The following TNKS variants were observed in gnomAD, a reference collection of about 807,000 sequenced individuals.
TNKS encodes the protein tankyrase.
TNKS carries 72 observed loss-of-function variants against 135.8 expected under a neutral mutation model. The observed-to-expected ratio is 0.53, with a 90% confidence interval of 0.44 to 0.64. The LOEUF (loss-of-function observed/expected upper bound fraction) is 0.64, where lower values mean the gene tolerates loss of function less well. TNKS is among the 30% of genes least tolerant of loss of function. The pLI is 0.00. For synonymous variants in TNKS, 849 were observed against 649.3 expected, an observed-to-expected ratio of 1.31 and a Z score of -4.68; for missense variants, 1,769 against 1,674.0, an observed-to-expected ratio of 1.06 and a Z score of -0.99.
chr8:9,684,943 T>G (rs899340434), intron 5 of TNKS, among the ~76,000 whole-genome samples: 3 of 152,148 alleles, frequency 2.0e-5, no homozygotes, highest in African/African-American at 4.8e-5. Flanking sequence ...TGATTTAAGG[T>G]GACAGTGTTT....
intron 2 of TNKS, among the ~76,000 whole-genome samples, chr8:9,610,958 A>G (rs1799439306): frequency 6.6e-6 from 1 of 152,238 alleles, no homozygotes; most frequent in Non-Finnish European, 1.5e-5. Context: ...TAACTTGAAT[A>G]GTTTTAAAGG....
intron 3 of TNKS, among the ~76,000 whole-genome samples, chr8:9,631,425 G>A (rs1192385909): frequency 6.6e-6 from 1 of 152,136 alleles, no homozygotes; most frequent in African/African-American, 2.4e-5. Context: ...AAAATGTACT[G>A]ATGAAAAAGA....
At chr8:9,568,064 A>G (rs1272284565) in intron 1 of TNKS, among the ~76,000 whole-genome samples, 1 of 152,228 alleles carries the variant, frequency 6.6e-6, no homozygotes, top group Non-Finnish European at 1.5e-5. Context: ...CTCTGCAGTT[A>G]TGTTGAGGAT....
At chr8:9,598,588 C>T (rs553431167) in intron 2 of TNKS, among the ~76,000 whole-genome samples, 1 of 150,348 alleles carries the variant, frequency 6.7e-6, no homozygotes, top group Non-Finnish European at 1.5e-5. Context: ...CCTAGCTACT[C>T]GGGAGGCTGA....
chr8:9,720,337 A>G (rs752220928), intron 11 of TNKS, 37 bp from the exon 12 acceptor site: 1 of 1,514,614 alleles, frequency 6.6e-7, no homozygotes, highest in Non-Finnish European at 8.8e-7. Context: ...ACTAAACAAG[A>G]TGCTCAATTC....
At chr8:9,662,009 C>G (rs1801739106) in intron 3 of TNKS, among the ~76,000 whole-genome samples, 1 of 152,206 alleles carries the variant, frequency 6.6e-6, no homozygotes. Context: ...CACTGGCCAT[C>G]AGAGAAATGC....
At chr8:9,576,291 A>T (rs1318132893) in intron 1 of TNKS, among the ~76,000 whole-genome samples, 2 of 152,026 alleles carry the variant, frequency 1.3e-5, no homozygotes, top group African/African-American at 4.8e-5. Context: ...ACTACCTAAG[A>T]CGGTAATTTA....
intron 1 of TNKS, among the ~76,000 whole-genome samples, chr8:9,564,905 T>C (rs1187788828): frequency 6.6e-6 from 1 of 152,208 alleles, no homozygotes; most frequent in Admixed American, 6.5e-5. Flanking sequence ...ACTTTCAGTT[T>C]CTTGGTGAAT....
At chr8:9,638,075 C>T (rs1243122498) in intron 3 of TNKS, among the ~76,000 whole-genome samples, 4 of 152,058 alleles carry the variant, frequency 2.6e-5, no homozygotes, top group Admixed American at 2.0e-4. Flanking sequence ...CCCAAGGTAT[C>T]CTCCCACCTC....
chr8:9,634,425 T>C (rs762745288), intron 3 of TNKS, among the ~76,000 whole-genome samples: 5 of 152,212 alleles, frequency 3.3e-5, no homozygotes, highest in Admixed American at 6.5e-5. Flanking sequence ...TTCATATTCT[T>C]GGTGTAGGAG....
At chr8:9,674,048 A>G (rs938126043) in intron 3 of TNKS, among the ~76,000 whole-genome samples, 1 of 152,186 alleles carries the variant, frequency 6.6e-6, no homozygotes, top group African/African-American at 2.4e-5. Context: ...TTACTCTACA[A>G]TTTTCAGGTA....
chr8:9,575,126 G>A (rs1797896816), intron 1 of TNKS: 1 of 954,776 alleles, frequency 1.0e-6, no homozygotes, highest in Non-Finnish European at 1.2e-6. Flanking sequence ...TCGCTCTGTT[G>A]CCCAGGCTGG....
At chr8:9,578,119 A>T (rs1798027965) in intron 1 of TNKS, among the ~76,000 whole-genome samples, 1 of 152,054 alleles carries the variant, frequency 6.6e-6, no homozygotes, top group Non-Finnish European at 1.5e-5. Flanking sequence ...GGGCGGCTCC[A>T]CCCCTGTGGC....
At chr8:9,735,654 G>C (rs1318432671) in intron 17 of TNKS, among the ~76,000 whole-genome samples, 168 bp downstream of exon 17, 4 of 152,090 alleles carry the variant, frequency 2.6e-5, no homozygotes, top group Admixed American at 2.0e-4. Flanking sequence ...CAAAAAATTA[G>C]ACGGGCATAG....
At chr8:9,567,632 T>G (rs989018644) in intron 1 of TNKS, among the ~76,000 whole-genome samples, 2 of 152,220 alleles carry the variant, frequency 1.3e-5, no homozygotes, top group Admixed American at 6.5e-5. Flanking sequence ...TTAGCGAGGA[T>G]GGTCTCGTTC....
Position 9,588,963 on chromosome 8 carries a change from A to C in TNKS, c.898+8580A>C, listed in dbSNP as rs117524923. Among the ~76,000 whole-genome samples, 754 of 152,318 alleles carry C rather than the reference A, an allele frequency of 5.0e-3. 5 individuals carry two copies. The highest frequency in any genetic ancestry group is 0.011 in the Admixed American group (168 of 15,292). On this transcript the variant is annotated intron_variant, in intron 2 of 26. Transcript: ENST00000310430. ...GTTAATGGGTTAATCGGAGTGGGGAAAGATGACAGCATTCAGCACATCATG... is the reference window on the plus strand; with the variant it reads ...GTTAATGGGTTAATCGGAGTGGGGACAGATGACAGCATTCAGCACATCATG...
intron 5 of TNKS, among the ~76,000 whole-genome samples, chr8:9,696,921 C>A (rs550740765): frequency 6.6e-6 from 1 of 152,208 alleles, no homozygotes; most frequent in African/African-American, 2.4e-5. Context: ...CAACAATCAA[C>A]ATCATTCTTC....
At chr8:9,698,735 C>G (rs1354065206) in intron 5 of TNKS, among the ~76,000 whole-genome samples, 3 of 152,156 alleles carry the variant, frequency 2.0e-5, no homozygotes, top group South Asian at 4.1e-4. Flanking sequence ...TTTAGCTATG[C>G]CTTACATGCA....
intron 3 of TNKS, among the ~76,000 whole-genome samples, chr8:9,657,303 C>T (rs1425882210): frequency 1.4e-5 from 1 of 73,978 alleles, no homozygotes; most frequent in Admixed American, 1.1e-4. Flanking sequence ...GGGGGGCCGA[C>T]CCCCCCACCT....
Sources: gnomAD v4.1 joint callset for allele counts (sites outside exome capture counted in the v4.1 genomes callset) on GRCh38, gnomAD v4.1.1 for gene constraint, MANE v1.5 for transcripts, NCBI Gene and HGNC (gene_info 2026-07-23, HGNC 2026-07-21) for gene names.